MUC4: variants seen among roughly 807,000 people sequenced by gnomAD.
MUC4 encodes mucin-4.
A neutral mutation model predicts 257.9 loss-of-function variants in MUC4; 202 were observed. The ratio of observed to expected loss-of-function variants is 0.78; its 90% CI spans 0.70 to 0.88. MUC4 has a LOEUF of 0.88. Among genes scored for constraint, MUC4 ranks in the 40% least tolerant of loss-of-function variants. The pLI, the probability that MUC4 is intolerant of heterozygous loss-of-function variation, is 0.00. For synonymous variants in MUC4, 2,351 were observed against 2,757.1 expected (o/e 0.85, Z 4.62); for missense variants, 5,976 against 6,513.7 (o/e 0.92, Z 2.84).
Position 195,781,157 on chromosome 3 carries a change from C to T in MUC4, c.10423G>A (p.Val3475Ile), listed in dbSNP as rs1365601148. The T allele has an allele frequency of 1.4e-6, 2 of 1,477,968 alleles. No homozygotes were observed. The highest frequency in any genetic ancestry group is 5.2e-5 in the East Asian group (2 of 38,430). 91.6% of individuals were successfully genotyped at this position (1,477,968 alleles called of 1,614,324 possible). ...ASTGDTTPLP[V>I]TSPSSASTGH... ...GTAGATGCTGAGGAAGGGCTGGTGA[C>T]AGGAAGAGGGGTGGTGTCACCTGTG... The change falls in exon 2 of 25, where the codon GTC (valine) becomes ATC (isoleucine). Residue 3475 changes from valine (V) to isoleucine (I), a missense_variant. Coordinates refer to ENST00000463781, the MANE Select transcript of MUC4 (RefSeq NM_018406.7).
Position 195,761,113 on chromosome 3 carries a change from C to T in MUC4, c.14619G>A (p.Gln4873=). 6.2e-7 allele frequency: 1 copy of T among 1,614,118 alleles called. No individual in the cohort carries two copies. Among genetic ancestry groups the T allele is most frequent in the Non-Finnish European group, 8.5e-7 (1 of 1,179,952 alleles). ...TGCCAAGGAGGCCTGTCCCGTTGAT[C>T]TGCCCTGTAACACACAGAGCGCGGT... ...EMLFHFGMTW[Q]INGTGLLGKR... The change falls in exon 16 of 25, where the codon CAG becomes CAA. Residue 4873 remains glutamine (Q), a synonymous_variant. Coordinates refer to ENST00000463781, the MANE Select transcript of MUC4 (RefSeq NM_018406.7).
At position 195,747,286 on chromosome 3, in the gene MUC4, G is replaced by A. The variant is rs1449864387; in HGVS notation, c.16129C>T (p.Leu5377=). The A allele has an allele frequency of 6.2e-7, 1 of 1,614,104 alleles. No homozygotes were observed. The highest frequency in any genetic ancestry group is 1.3e-5 in the African/African-American group (1 of 74,956). ...ACCCCCAGCAGCAAGAGGCCGCCCA[G>A]GGCCCCAAAGAAGATGCCGAAGAAC... is the stretch of plus-strand genomic sequence containing the variant. The part of the protein sequence containing the change: ...DAFFGIFFGA[L]GGLLLLGVGT... Residue 5377 remains leucine, a synonymous_variant, in exon 25 of 25, where the codon CTG becomes TTG. Coordinates refer to ENST00000463781, the MANE Select transcript of MUC4 (RefSeq NM_018406.7).
intron 3 of MUC4, 135 bp from the exon 4 acceptor site, chr3:195,774,440 C>A: frequency 8.9e-7 from 1 of 1,124,666 alleles, no homozygotes; most frequent in East Asian, 3.0e-5. Context: ...AGGCAGCCAT[C>A]TAGGGTGCTT....
intron 21 of MUC4, 96 bp from the exon 22 acceptor site, chr3:195,751,367 C>T: frequency 1.0e-6 from 1 of 977,944 alleles, no homozygotes; most frequent in Admixed American, 2.0e-5. Flanking sequence ...CCTGTTTCCT[C>T]CTGGAACGGG....
intron 19 of MUC4, 28 bp from the exon 20 acceptor site, chr3:195,753,258 C>CA (rs1253104226): frequency 1.2e-6 from 2 of 1,610,132 alleles, no homozygotes; most frequent in Admixed American, 3.3e-5. Flanking sequence ...AGGTCAGCAG[C>CA]AGCGCGCAGG....
At chr3:195,806,733 AC>A (rs1736035936) in intron 1 of MUC4, among the ~76,000 whole-genome samples, 1 of 152,098 alleles carries the variant, frequency 6.6e-6, no homozygotes, top group Non-Finnish European at 1.5e-5. Flanking sequence ...GAGTCAGGAG[AC>A]CTGGGTTCTA....
At chr3:195,759,568 T>C (rs1577980694) in intron 16 of MUC4, among the ~76,000 whole-genome samples, 1 of 152,172 alleles carries the variant, frequency 6.6e-6, no homozygotes, top group South Asian at 2.1e-4. Flanking sequence ...AGCAGATTTG[T>C]TTGGACCATT....
rs375379982 is a variant in MUC4 at position 195,764,069 on chromosome 3, C to G, written c.14020G>C (p.Ala4674Pro). ...CCGGGCTGTGGGGGCCTGTATGTAG[C>G]ACAGCCCACGTGGGGCCGCCTCTGC... is the stretch of plus-strand genomic sequence containing the variant. ...YQQRRPHVGCATYRPPQPAWM... is the reference protein window; with the variant it reads ...YQQRRPHVGCPTYRPPQPAWM... The change falls in exon 11 of 25, where the codon GCT becomes CCT. Residue 4674 changes from alanine (A) to proline (P), a missense_variant. This residue lies in a region of MUC4 where 996 missense variants were observed against 1,137.3 expected (regional missense o/e 0.88). Transcript: ENST00000463781. 4 of 1,610,606 alleles carry G rather than the reference C, an allele frequency of 2.5e-6. No individual in the cohort carries two copies. In the African/African-American group the frequency reaches 5.3e-5, roughly 21 times the overall value.
At position 195,785,364 on chromosome 3, in the gene MUC4, T is replaced by G. The variant is rs62282484; in HGVS notation, c.6216A>C (p.Ser2072=). Residue 2072 remains serine, a synonymous_variant, in exon 2 of 25, where the codon TCA becomes TCC. Coordinates refer to ENST00000463781, the MANE Select transcript of MUC4 (RefSeq NM_018406.7). Reference sequence around the variant, plus strand: ...GAGGGGTGGCGTGACCTGTGGATGCTGAGGAAGGGTTAGTGACAGGAAGAG... The same window carrying G: ...GAGGGGTGGCGTGACCTGTGGATGCGGAGGAAGGGTTAGTGACAGGAAGAG... ...TTPLPVTNPS[S]ASTGHATPLL... is the part of the protein sequence containing the mutation. 7.6e-7 allele frequency: 1 copy of G among 1,316,408 alleles called. No individual in the cohort carries two copies. Among genetic ancestry groups the G allele is most frequent in the Non-Finnish European group, 1.1e-6 (1 of 951,798 alleles). 81.5% of individuals were successfully genotyped at this position (1,316,408 alleles called of 1,614,324 possible). A position where few individuals can be genotyped will look rare whatever the true frequency, so the allele number is the denominator to read the frequency against.
In MUC4 at chr3:195,790,167, G is replaced by A. The variant is rs764119862; in HGVS notation, c.1413C>T (p.Phe471=). 1.9e-6 allele frequency: 3 copies of A among 1,613,920 alleles called. No individual in the cohort carries two copies. The highest frequency in any genetic ancestry group is 1.7e-6 in the Non-Finnish European group (2 of 1,179,908). ...TTGRPHERSS[F]SPGVSQEIFT... is the part of the protein sequence containing the mutation. The stretch of plus-strand genomic sequence containing the variant: ...ATATTTCTTGAGACACACCTGGAGA[G>A]AATGAGCTCCTCTCATGAGGCCGTC... The change falls in exon 2 of 25, where the codon TTC becomes TTT. Residue 471 remains phenylalanine, a synonymous_variant. Transcript: ENST00000463781.
Position 195,791,075 on chromosome 3 carries a change from C to A in MUC4, c.505G>T (p.Val169Phe). ...TESSTPVTSAVSITAGQEGQS... is the reference protein window; with the variant it reads ...TESSTPVTSAFSITAGQEGQS... Reference sequence around the variant, plus strand: ...CCTTCCTGTCCAGCTGTTATTGAGACTGCTGAGGTCACTGGGGTAGAACTT... The same window carrying A: ...CCTTCCTGTCCAGCTGTTATTGAGAATGCTGAGGTCACTGGGGTAGAACTT... Residue 169 changes from valine to phenylalanine, a missense_variant, in exon 2 of 25, where the codon GTC (valine) becomes TTC (phenylalanine). Physicochemically the swap from Val to Phe is conservative, Grantham distance 50. Transcript: ENST00000463781. 1.2e-6 allele frequency: 2 copies of A among 1,613,840 alleles called. No individual in the cohort carries two copies. Among genetic ancestry groups the A allele is most frequent in the Non-Finnish European group, 1.7e-6 (2 of 1,179,872 alleles).
rs370617659 is a variant in MUC4, at chr3:195,787,977, A to C, written c.3603T>G (p.Leu1201=). 7,410 of 1,283,332 alleles carry C rather than the reference A, an allele frequency of 5.8e-3. 235 individuals are homozygous for C. Among genetic ancestry groups the C allele is most frequent in the South Asian group, 7.9e-3 (602 of 76,620 alleles). The allele number at this position is 1,283,332 out of a possible 1,614,324, so 79.5% of individuals were successfully genotyped here. Residue 1201 remains leucine, a synonymous_variant, in exon 2 of 25, where the codon CTT becomes CTG. Transcript: ENST00000463781. ...SSASTGHATP[L]LVTDTSSAST... ...ATGCTGAGGAAGTGTCGGTGACAAG[A>C]AGAGGGGTGGCGTGACCTGTGGATG... is the stretch of plus-strand genomic sequence containing the variant.
Position 195,774,303 on chromosome 3 carries a change from C to T in MUC4, c.12946G>A (p.Val4316Ile). Residue 4316 changes from valine to isoleucine, a missense_variant and splice_region_variant, in exon 4 of 25, where the codon GTT becomes ATT. This residue lies in a region of MUC4 where 233 missense variants were observed against 171.2 expected (regional missense o/e 1.36). Transcript: ENST00000463781. ...APIPILPERG[V>I]SLFPYGAGAG... ...CCTGCCCCATAGGGGAAGAGGGAAA[C>T]TCCTGGGCCAGGACAGAGAAGAGCA... 3 of 1,555,236 alleles carry T rather than the reference C, an allele frequency of 1.9e-6. No individual in the cohort carries two copies. The highest frequency in any genetic ancestry group is 2.6e-6 in the Non-Finnish European group (3 of 1,153,682).
Position 195,788,052 on chromosome 3 carries a change from T to A in MUC4, c.3528A>T (p.Ser1176=). ...ATPLPVTSLS[S]VSTGDTTPLP... ...GAGGCGTGGTGTCACCTGTGGATAC[T>A]GAGGAAAGGCTGGTGACAGGAAGAG... The change falls in exon 2 of 25, where the codon TCA becomes TCT. Residue 1176 remains serine, a synonymous_variant. Transcript: ENST00000463781. The A allele has an allele frequency of 6.8e-7, 1 of 1,473,912 alleles. No individual in the cohort carries two copies. Among genetic ancestry groups the A allele is most frequent in the East Asian group, 2.6e-5 (1 of 38,008 alleles). The allele number at this position is 1,473,912 out of a possible 1,614,324, so 91.3% of individuals were successfully genotyped here.
intron 1 of MUC4, among the ~76,000 whole-genome samples, chr3:195,799,757 T>G (rs1735063084): frequency 6.6e-6 from 1 of 152,272 alleles, no homozygotes; most frequent in South Asian, 2.1e-4. Flanking sequence ...GCTCATCTCC[T>G]TAACATAAAT....
Position 195,771,812 on chromosome 3 carries a change from G to A in MUC4, c.13082C>T (p.Thr4361Ile). Residue 4361 changes from threonine (T) to isoleucine (I), a missense_variant, in exon 5 of 25, where the codon ACA becomes ATA. By Grantham distance (89) the Thr-to-Ile change is moderately conservative. Coordinates refer to ENST00000463781, the MANE Select transcript of MUC4 (RefSeq NM_018406.7). ...TGGGAAGATGATCTGGCCATTGTCT[G>A]TGAACTGAGCACATGGGTTTTGTGG... ...GSSLRDSLYFTDNGQIIFPES... is the reference protein window; with the variant it reads ...GSSLRDSLYFIDNGQIIFPES... 2 of 1,613,814 alleles carry A rather than the reference G, an allele frequency of 1.2e-6. No individual in the cohort carries two copies. The highest frequency in any genetic ancestry group is 1.7e-6 in the Non-Finnish European group (2 of 1,179,790).
chr3:195,750,908 G>C lies in MUC4; in HGVS notation c.15852C>G (p.Asp5284Glu). ...ACTCACGGGCTGTCACATCGCGCAC[G>C]TCTTCCCCGGAGATGGGCTGGAAGA... ...DVVFQPISGE[D>E]VRDVTALNVS... The change falls in exon 23 of 25, where the codon GAC becomes GAG. Residue 5284 changes from aspartate (D) to glutamate (E), a missense_variant. Physicochemically the swap from Asp to Glu is conservative, Grantham distance 45. Around this residue, in one of 44 missense-constraint regions of MUC4, gnomAD observed 310 missense variants for 242.1 expected, o/e 1.28. Transcript: ENST00000463781. The C allele has an allele frequency of 1.2e-6, 2 of 1,613,582 alleles. No homozygotes were observed. The highest frequency in any genetic ancestry group is 8.5e-7 in the Non-Finnish European group (1 of 1,179,920).
Position 195,779,142 on chromosome 3 carries a change from A to T in MUC4, c.12438T>A (p.Pro4146=). 7.1e-7 allele frequency: 1 copy of T among 1,406,000 alleles called. No homozygotes were observed. 87.1% of individuals were successfully genotyped at this position (1,406,000 alleles called of 1,614,324 possible). ...SVSTGDTTPL[P]VTIPSSASSG... The stretch of plus-strand genomic sequence containing the variant: ...AGGATGCTGAGGAAGGGATGGTGAC[A>T]GGAAGAGGCGTGGTGTCACCTGTGG... Residue 4146 remains proline, a synonymous_variant, in exon 2 of 25, where the codon CCT becomes CCA. Transcript: ENST00000463781.
chr3:195,806,037 AC>A (rs1735946177), intron 1 of MUC4, among the ~76,000 whole-genome samples: 5 of 152,080 alleles, frequency 3.3e-5, no homozygotes, highest in Non-Finnish European at 5.9e-5. Flanking sequence ...AATCCCTTGA[AC>A]CCTGGAGGCA....
Sources: allele counts gnomAD v4.1 joint callset (sites outside exome capture counted in the v4.1 genomes callset), GRCh38; gene constraint gnomAD v4.1.1; regional missense constraint gnomAD v4.1.1; transcripts MANE v1.5; gene names NCBI Gene and HGNC (gene_info 2026-07-23, HGNC 2026-07-21).